Variants in WDR17 observed in about 807,000 individuals in gnomAD.
The protein encoded by WDR17 is WD repeat-containing protein 17.
In WDR17, 143 loss-of-function variants were observed where a neutral mutation model predicts 161.7. That is an observed-to-expected ratio of 0.88 (90% confidence interval 0.77 to 1.02). The LOEUF is 1.02. WDR17 is among the 50% of genes least tolerant of loss of function. The pLI, the probability that WDR17 is intolerant of heterozygous loss-of-function variation, is 0.00. For missense variants in WDR17, 1,469 were observed against 1,520.9 expected (o/e 0.97, Z 0.57); for synonymous variants, 517 against 515.6 (o/e 1.00, Z -0.04).
At chr4:176,078,486 G>T (rs1213670281) in intron 1 of WDR17, among the ~76,000 whole-genome samples, 1 of 152,080 alleles carries the variant, frequency 6.6e-6, no homozygotes, top group Non-Finnish European at 1.5e-5. Flanking sequence ...TAAGTGGAAA[G>T]TTGGAAGAGA....
rs868047700 is a variant in WDR17 at position 176,173,642 on chromosome 4, G to A, written c.3347+273G>A. ...CACCATTCTCCTGCCTCAGCCTCCC[G>A]CGTAGCTGGTACTACAGGCGCCCGC... On this transcript the variant is annotated intron_variant, in intron 25 of 28. Transcript: ENST00000508596. 2.2e-4 allele frequency among the ~76,000 whole-genome samples: 34 copies of A among 152,010 alleles called. No homozygotes were observed. In the East Asian group the frequency reaches 3.1e-3, roughly 14 times the overall value.
At chr4:176,136,343 C>G (rs891846501) in intron 8 of WDR17, among the ~76,000 whole-genome samples, 2 of 151,616 alleles carry the variant, frequency 1.3e-5, no homozygotes, top group Admixed American at 1.3e-4. Context: ...ATTGGACCAG[C>G]CAGTGCAGTC....
intron 1 of WDR17, among the ~76,000 whole-genome samples, chr4:176,109,551 CAGAA>C (rs1739363284): frequency 6.6e-6 from 1 of 151,696 alleles, no homozygotes. Context: ...GAGATGAAGA[CAGAA>C]AGAATTGGAG....
chr4:176,099,392 G>T (rs1354308456), intron 1 of WDR17, among the ~76,000 whole-genome samples: 2 of 152,130 alleles, frequency 1.3e-5, no homozygotes, highest in Non-Finnish European at 2.9e-5. Flanking sequence ...ATATGGTCAG[G>T]TCTGAGGGTT....
At chr4:176,125,405 T>C (rs1188532492) in intron 5 of WDR17, 50 bp downstream of exon 5, 2 of 1,565,946 alleles carry the variant, frequency 1.3e-6, no homozygotes, top group South Asian at 1.2e-5. Context: ...ATATATTCTT[T>C]CGTTGAATTT....
Position 176,150,520 on chromosome 4 carries a change from A to T in WDR17, c.2231A>T (p.Gln744Leu). 6.2e-7 allele frequency: 1 copy of T among 1,612,374 alleles called. No individual in the cohort carries two copies. The highest frequency in any genetic ancestry group is 8.5e-7 in the Non-Finnish European group (1 of 1,179,390). ...LWNLVAVIKG[Q>L]DDSLLPQNYC... ...AACTTGGTTGCTGTGATAAAAGGAC[A>T]GGATGATAGCTTACTTCCTCAGAAC... is the stretch of plus-strand genomic sequence containing the variant. Residue 744 changes from glutamine to leucine, a missense_variant, in exon 16 of 29, where the codon CAG (glutamine) becomes CTG (leucine). Transcript: ENST00000508596.
intron 3 of WDR17, among the ~76,000 whole-genome samples, chr4:176,117,728 A>T (rs1579094081): frequency 2.0e-5 from 3 of 152,212 alleles, no homozygotes; most frequent in African/African-American, 7.2e-5. Context: ...AGCTTTTGGC[A>T]AATTTTTCAT....
intron 1 of WDR17, among the ~76,000 whole-genome samples, chr4:176,101,514 TA>T (rs570513901): frequency 3.5e-3 from 529 of 152,200 alleles, no homozygotes; most frequent in African/African-American, 0.012. Context: ...ACAAGGAATT[TA>T]AAAAACTACA....
At chr4:176,133,282 A>T (rs534573464) in intron 7 of WDR17, among the ~76,000 whole-genome samples, 1 of 143,790 alleles carries the variant, frequency 7.0e-6, no homozygotes, top group African/African-American at 2.5e-5. Context: ...AAAGAAGAAG[A>T]AGAAGAAAAG....
chr4:176,174,769 A>G (rs1043641860), intron 26 of WDR17, 51 bp downstream of exon 26: 1 of 1,156,668 alleles, frequency 8.6e-7, no homozygotes, highest in Non-Finnish European at 1.3e-6. Flanking sequence ...TTCTCTTGCT[A>G]AGATGGATAG....
intron 1 of WDR17, among the ~76,000 whole-genome samples, chr4:176,070,683 T>A (rs1007256712): frequency 3.3e-5 from 5 of 151,540 alleles, no homozygotes; most frequent in South Asian, 2.1e-4. Flanking sequence ...TTGGCTAATT[T>A]TTTTTTTTTT....
At chr4:176,120,544 G>T (rs1741418645) in intron 4 of WDR17, among the ~76,000 whole-genome samples, 1 of 151,790 alleles carries the variant, frequency 6.6e-6, no homozygotes, top group Non-Finnish European at 1.5e-5. Flanking sequence ...CTTGGCAAAG[G>T]CTTTGAAACT....
chr4:176,132,464 T>C (rs985689737), intron 7 of WDR17, among the ~76,000 whole-genome samples: 3 of 152,068 alleles, frequency 2.0e-5, no homozygotes, highest in Non-Finnish European at 4.4e-5. Flanking sequence ...AATCTGGACA[T>C]TTAAGAAACC....
chr4:176,146,359 G>C (rs879374137), intron 12 of WDR17, among the ~76,000 whole-genome samples, 200 bp downstream of exon 12: 14 of 151,986 alleles, frequency 9.2e-5, no homozygotes, highest in Admixed American at 6.6e-5. Flanking sequence ...TCAGCCTCCC[G>C]AGTAGCTGGG....
chr4:176,172,406 A>G lies in WDR17; in HGVS notation c.3134A>G (p.Gln1045Arg), dbSNP rs377263822. 8 of 1,610,470 alleles carry G rather than the reference A, an allele frequency of 5.0e-6. No homozygotes were observed. Among genetic ancestry groups the G allele is most frequent in the Non-Finnish European group, 6.8e-6 (8 of 1,179,132 alleles). ...CKLPTVEECM[Q>R]LAETARADDN... ...CTACCCACAGTGGAAGAATGTATGC[A>G]GTTAGCTGAGACAGCCCGTGCAGAT... Residue 1045 changes from glutamine (Q) to arginine (R), a missense_variant, in exon 24 of 29, where the codon CAG becomes CGG. Transcript: ENST00000508596.
At chr4:176,117,099 A>G (rs1740769020) in intron 3 of WDR17, among the ~76,000 whole-genome samples, 1 of 151,994 alleles carries the variant, frequency 6.6e-6, no homozygotes, top group Non-Finnish European at 1.5e-5. Context: ...GTAAAAAGTC[A>G]GCTATTCGGT....
chr4:176,108,302 A>G (rs561370848), intron 1 of WDR17, among the ~76,000 whole-genome samples: 1 of 152,306 alleles, frequency 6.6e-6, no homozygotes, highest in South Asian at 2.1e-4. Flanking sequence ...GTATATTACT[A>G]ACTGAAAGAA....
chr4:176,152,448 A>G lies in WDR17; in HGVS notation c.2460+481A>G, dbSNP rs902221143. On this transcript the variant is annotated intron_variant, in intron 17 of 28. Coordinates refer to ENST00000508596, the MANE Select transcript of WDR17 (RefSeq NM_181265.4). Reference sequence around the variant, plus strand: ...TGTCTCTGCTAAAATACAGAAAAACAAAAACAAAACTAGCCAGGCGTGTGG... The same window carrying G: ...TGTCTCTGCTAAAATACAGAAAAACGAAAACAAAACTAGCCAGGCGTGTGG... Among the ~76,000 whole-genome samples, 9 of 151,728 alleles carry G rather than the reference A, an allele frequency of 5.9e-5. No homozygotes were observed. In the East Asian group the frequency reaches 9.7e-4, roughly 16 times the overall value.
chr4:176,105,313 T>C (rs765935915), intron 1 of WDR17, among the ~76,000 whole-genome samples: 4 of 151,960 alleles, frequency 2.6e-5, no homozygotes, highest in African/African-American at 9.7e-5. Context: ...AATGAATACA[T>C]CAGACAGAAA....
Sources: allele counts gnomAD v4.1 joint callset (sites outside exome capture counted in the v4.1 genomes callset), GRCh38; gene constraint gnomAD v4.1.1; transcripts MANE v1.5; gene names NCBI Gene and HGNC (gene_info 2026-07-23, HGNC 2026-07-21).